The following SLC4A4 variants were observed in gnomAD, a reference collection of about 807,000 sequenced individuals.
SLC4A4 encodes the protein electrogenic sodium bicarbonate cotransporter 1.
A neutral mutation model predicts 111.5 loss-of-function variants in SLC4A4; 27 were observed. The ratio of observed to expected loss-of-function variants is 0.24; its 90% confidence interval spans 0.18 to 0.33. The LOEUF is 0.33. Ranked by LOEUF, SLC4A4 falls within the 10% of genes least tolerant of loss-of-function variation. The pLI is 1.00. For missense variants in SLC4A4, 909 were observed against 1,315.5 expected (o/e 0.69, Z 4.78); for synonymous variants, 443 against 463.4 (o/e 0.96, Z 0.57).
At chr4:71,405,702 C>T (rs765519343) in intron 7 of SLC4A4, among the ~76,000 whole-genome samples, 11 of 152,142 alleles carry the variant, frequency 7.2e-5, no homozygotes, top group Non-Finnish European at 1.2e-4. Flanking sequence ...GCCTCCACTG[C>T]TAAGATACTA....
intron 8 of SLC4A4, among the ~76,000 whole-genome samples, chr4:71,445,698 T>C (rs1220150455): frequency 6.6e-6 from 1 of 152,170 alleles, no homozygotes; most frequent in Non-Finnish European, 1.5e-5. Flanking sequence ...GCAAACGAAA[T>C]TGAGAAATGT....
At chr4:71,415,208 A>G (rs1474049892) in intron 7 of SLC4A4, among the ~76,000 whole-genome samples, 4 of 152,242 alleles carry the variant, frequency 2.6e-5, no homozygotes, top group African/African-American at 4.8e-5. Context: ...TTTTAAGTCT[A>G]TGATACAAAC....
At chr4:71,485,392 A>G (rs751179661) in intron 14 of SLC4A4, among the ~76,000 whole-genome samples, 23 of 151,616 alleles carry the variant, frequency 1.5e-4, no homozygotes, top group Non-Finnish European at 3.0e-4. Context: ...TATTGAGATA[A>G]TCTGGTATTT....
chr4:71,169,792 T>C (rs890579911), intron 2 of SLC4A4, among the ~76,000 whole-genome samples: 1 of 152,200 alleles, frequency 6.6e-6, no homozygotes, highest in African/African-American at 2.4e-5. Context: ...GTTCTAAGAA[T>C]GAACTTCCCG....
At chr4:71,077,538 A>T (rs1578455974) in intron 1 of SLC4A4, among the ~76,000 whole-genome samples, 1 of 152,138 alleles carries the variant, frequency 6.6e-6, no homozygotes, top group Non-Finnish European at 1.5e-5. Flanking sequence ...AAAGATAAAG[A>T]CCCAAAGAAG....
chr4:71,184,534 T>C (rs964734039), upstream of SLC4A4, among the ~76,000 whole-genome samples: 4 of 152,128 alleles, frequency 2.6e-5, no homozygotes, highest in South Asian at 8.3e-4. Flanking sequence ...GTACAGAGAG[T>C]TGTTGATTAA....
At chr4:71,214,324 G>A (rs1718300388) in intron 1 of SLC4A4, among the ~76,000 whole-genome samples, 1 of 152,168 alleles carries the variant, frequency 6.6e-6, no homozygotes, top group Non-Finnish European at 1.5e-5. Context: ...GATAATTAAA[G>A]CAACTTCAGT....
chr4:71,114,899 C>T (rs1292845210), intron 2 of SLC4A4, among the ~76,000 whole-genome samples: 193 of 117,318 alleles, frequency 1.6e-3, no homozygotes, highest in African/African-American at 3.5e-3. Context: ...ATGTTTATTG[C>T]GGCATTATTC....
chr4:71,264,239 T>C (rs933103051), intron 3 of SLC4A4, among the ~76,000 whole-genome samples: 1 of 152,200 alleles, frequency 6.6e-6, no homozygotes, highest in Admixed American at 6.5e-5. Context: ...TCTATTCTTT[T>C]GCTATTTGCC....
intron 6 of SLC4A4, among the ~76,000 whole-genome samples, chr4:71,374,388 G>T (rs1732155561): frequency 6.6e-6 from 1 of 152,054 alleles, no homozygotes; most frequent in Non-Finnish European, 1.5e-5. Context: ...ATTTTCAAAA[G>T]ATTGTAAGAA....
chr4:71,506,059 T>G (rs1412583262), intron 16 of SLC4A4, among the ~76,000 whole-genome samples: 1 of 152,202 alleles, frequency 6.6e-6, no homozygotes, highest in Non-Finnish European at 1.5e-5. Context: ...TGTGTCTGTT[T>G]TTGTACCAGT....
chr4:71,362,792 G>T (rs1730910100), intron 6 of SLC4A4, among the ~76,000 whole-genome samples: 1 of 152,188 alleles, frequency 6.6e-6, no homozygotes, highest in Non-Finnish European at 1.5e-5. Context: ...TCCCATCAGG[G>T]AGATAAGGAG....
intron 18 of SLC4A4, among the ~76,000 whole-genome samples, chr4:71,543,355 C>A (rs1735233894): frequency 1.3e-5 from 2 of 152,070 alleles, no homozygotes; most frequent in African/African-American, 4.8e-5. Flanking sequence ...TGGTGATTTT[C>A]CCTTCCCCTT....
rs193270982 is a variant in SLC4A4, at chr4:71,202,999, C to T, written c.-2+15598C>T. ...CAGCAACCAGCTAACGTTTTTTTTCCTATTGAGACTAAGAATATATAACAC... is the reference window on the plus strand; with the variant it reads ...CAGCAACCAGCTAACGTTTTTTTTCTTATTGAGACTAAGAATATATAACAC... On this transcript the variant is annotated intron_variant, in intron 1 of 25. Transcript: ENST00000264485. 1.9e-3 allele frequency among the ~76,000 whole-genome samples: 292 copies of T among 152,014 alleles called. 2 individuals are homozygous for T. Among genetic ancestry groups the T allele is most frequent in the South Asian group, 7.5e-3 (36 of 4,822 alleles).
chr4:71,540,899 GAATT>G (rs1734986761), intron 18 of SLC4A4, among the ~76,000 whole-genome samples: 3 of 152,258 alleles, frequency 2.0e-5, no homozygotes, highest in African/African-American at 7.2e-5. Flanking sequence ...AAGACTTGGG[GAATT>G]AATTCATTGA....
chr4:71,384,054 A>G (rs1227848697), intron 6 of SLC4A4, among the ~76,000 whole-genome samples: 2 of 152,226 alleles, frequency 1.3e-5, no homozygotes, highest in Non-Finnish European at 2.9e-5. Context: ...AAGAGCTGCA[A>G]GCATCTCAGT....
At chr4:71,450,833 C>T (rs1560519489) in intron 10 of SLC4A4, among the ~76,000 whole-genome samples, 1 of 152,168 alleles carries the variant, frequency 6.6e-6, no homozygotes, top group Admixed American at 6.5e-5. Context: ...TGGGGACCCC[C>T]TGTATATCTG....
At chr4:71,082,211 G>A (rs1043866631) in intron 1 of SLC4A4, among the ~76,000 whole-genome samples, 22 of 152,094 alleles carry the variant, frequency 1.4e-4, no homozygotes, top group African/African-American at 5.1e-4. Flanking sequence ...GGGATGAAGG[G>A]GATGAGTTCT....
chr4:71,103,044 C>T (rs983582501), intron 2 of SLC4A4, among the ~76,000 whole-genome samples: 1 of 151,064 alleles, frequency 6.6e-6, no homozygotes, highest in African/African-American at 2.4e-5. Flanking sequence ...TGCAGAGACA[C>T]ACATAGGCTC....
Sources: allele counts gnomAD v4.1 joint callset (sites outside exome capture counted in the v4.1 genomes callset), GRCh38; gene constraint gnomAD v4.1.1; transcripts MANE v1.5; gene names NCBI Gene and HGNC (gene_info 2026-07-23, HGNC 2026-07-21).